MESP1: variants seen among roughly 807,000 people sequenced by gnomAD.
The protein encoded by MESP1 is mesoderm posterior bHLH transcription factor 1, also known as mesoderm posterior protein 1.
MESP1 carries 22 observed loss-of-function variants against 15.2 expected under a neutral mutation model. The ratio of observed to expected loss-of-function variants is 1.45; its 90% CI spans 1.04 to 2.07. MESP1 has a LOEUF of 2.07. Among genes scored for constraint, MESP1 ranks in the 30% most tolerant of loss-of-function variants. MESP1 has a pLI of 0.00. For synonymous variants in MESP1, 216 were observed against 192.6 expected, an observed-to-expected ratio of 1.12 and a Z score of -1.01; for missense variants, 484 against 411.9, an observed-to-expected ratio of 1.17 and a Z score of -1.51.
In MESP1 at chr15:89,750,150, G is replaced by C; in HGVS notation, c.801C>G (p.Pro267=). 1 of 1,613,796 alleles carries C rather than the reference G, an allele frequency of 6.2e-7. No homozygotes were observed. The highest frequency in any genetic ancestry group is 1.7e-5 in the Admixed American group (1 of 60,022). ...LSPLEWLPEE[P]K ...CGGCGTCAGTTGTCCCTTGTCACTT[G>C]GGCTCCTCAGGCAGCCACTCCAGAG... Residue 267 remains proline (P), a synonymous_variant, in exon 2 of 2, where the codon CCC becomes CCG. Transcript: ENST00000300057.
the MESP1 span, among the ~76,000 whole-genome samples, chr15:89,741,942 G>A: frequency 6.6e-6 from 1 of 152,112 alleles, no homozygotes; most frequent in African/African-American, 2.4e-5. Flanking sequence ...TAGTAGAGAC[G>A]GGGTTTCACC....
downstream of MESP1, among the ~76,000 whole-genome samples, chr15:89,747,609 G>GC (rs1008326401): frequency 6.6e-6 from 1 of 151,282 alleles, no homozygotes; most frequent in Non-Finnish European, 1.5e-5. Context: ...GAGGTGAGGC[G>GC]CCCCCCAGTA....
At chr15:89,737,874 G>A in the MESP1 span, 1 of 1,355,454 alleles carries the variant, frequency 7.4e-7, no homozygotes, top group East Asian at 2.3e-5. Flanking sequence ...AGTCCTCACA[G>A]GGCACTTAGA....
chr15:89,745,159 A>G (rs188622879), downstream of MESP1, among the ~76,000 whole-genome samples: 1 of 152,316 alleles, frequency 6.6e-6, no homozygotes, highest in East Asian at 1.9e-4. The surrounding 1 kb of genome is among the most constrained non-coding windows in gnomAD (Gnocchi z 4.8). Context: ...CAGGGAGCCC[A>G]GCCCACCCTC....
the MESP1 span, among the ~76,000 whole-genome samples, chr15:89,734,045 A>G: frequency 6.6e-6 from 1 of 151,662 alleles, no homozygotes; most frequent in Non-Finnish European, 1.5e-5. Flanking sequence ...GTGTGTGTGT[A>G]ATAAAGAATA....
the MESP1 span, chr15:89,743,272 C>G: frequency 6.2e-7 from 1 of 1,613,378 alleles, no homozygotes; most frequent in Non-Finnish European, 8.5e-7. Flanking sequence ...TTCCTCTCAT[C>G]ACAGTTGTGT....
chr15:89,732,615 C>CCACACACA, the MESP1 span, among the ~76,000 whole-genome samples: 925 of 148,552 alleles, frequency 6.2e-3, 6 homozygotes, highest in Middle Eastern at 0.034. Context: ...TGTTGTTTGG[C>CCACACACA]CACACACACA....
At chr15:89,736,629 A>T in the MESP1 span, among the ~76,000 whole-genome samples, 2 of 152,064 alleles carry the variant, frequency 1.3e-5, no homozygotes, top group Admixed American at 1.3e-4. Flanking sequence ...AAGTGAGAGC[A>T]GTGTCCTGTG....
At position 89,751,065 on chromosome 15, in the gene MESP1, G is replaced by GCGGGGCTCGCCA. The variant is rs1555437299; in HGVS notation, c.155_166dup (p.Val52_Pro55dup). 2.1e-5 allele frequency: 26 copies of GCGGGGCTCGCCA among 1,239,370 alleles called. No individual in the cohort carries two copies. Among genetic ancestry groups the GCGGGGCTCGCCA allele is most frequent in the Non-Finnish European group, 2.5e-5 (25 of 998,294 alleles). The allele number at this position is 1,239,370 out of a possible 1,614,324, so 76.8% of individuals were successfully genotyped here. On this transcript the variant is annotated inframe_insertion, in exon 1 of 2. Coordinates refer to ENST00000300057, the MANE Select transcript of MESP1 (RefSeq NM_018670.4). ...GGGGTCCCGGAGGGTGCCTGGCCGC[G>GCGGGGCTCGCCA]CGGGGCTCGCCACGGGGCTGTCGGC...
At chr15:89,747,005 A>G (rs191847931), downstream of MESP1, among the ~76,000 whole-genome samples, 515 of 130,410 alleles carry the variant, frequency 3.9e-3, 4 homozygotes, top group African/African-American at 0.014. Context: ...ACACACACAC[A>G]TATGCTCACG....
the MESP1 span, among the ~76,000 whole-genome samples, chr15:89,738,821 A>C: frequency 2.0e-5 from 3 of 151,178 alleles, no homozygotes; most frequent in African/African-American, 7.3e-5. Flanking sequence ...TTCCCTCTTA[A>C]AAGTATGTTT....
downstream of MESP1, among the ~76,000 whole-genome samples, chr15:89,745,559 C>T (rs990670859): frequency 2.6e-5 from 4 of 152,160 alleles, no homozygotes; most frequent in Admixed American, 1.3e-4. This position sits in a 1 kb window ranked among gnomAD's most constrained non-coding sequence, Gnocchi z 4.8. Flanking sequence ...GTCAGGAGAT[C>T]GAGACCATCC....
At chr15:89,736,386 G>A in the MESP1 span, among the ~76,000 whole-genome samples, 1 of 152,144 alleles carries the variant, frequency 6.6e-6, no homozygotes, top group African/African-American at 2.4e-5. Flanking sequence ...AGAGCCAAGG[G>A]CTGAAAATGT....
chr15:89,743,579 T>C, the MESP1 span: 2 of 599,734 alleles, frequency 3.3e-6, no homozygotes, highest in South Asian at 2.0e-5. Context: ...CTAAGCCTCT[T>C]GTCAGAGCCC....
chr15:89,750,410 C>T, intron 1 of MESP1, 99 bp downstream of exon 1: 2 of 1,454,926 alleles, frequency 1.4e-6, no homozygotes, highest in Non-Finnish European at 1.8e-6. Context: ...GGCCAGGCTG[C>T]CGGCGGGGAG....
the MESP1 span, chr15:89,743,302 C>T: frequency 6.2e-7 from 1 of 1,614,170 alleles, no homozygotes; most frequent in South Asian, 1.1e-5. Context: ...CTATCGGAAG[C>T]TGGAGAAGAA....
chr15:89,745,996 C>T (rs1415398176), downstream of MESP1, among the ~76,000 whole-genome samples: 3 of 149,918 alleles, frequency 2.0e-5, no homozygotes, highest in Non-Finnish European at 3.0e-5. The surrounding 1 kb of genome is among the most constrained non-coding windows in gnomAD (Gnocchi z 4.8). Flanking sequence ...TCCACGCATA[C>T]ACACCTCCAC....
At position 89,750,516 on chromosome 15, in the gene MESP1, G is replaced by C; in HGVS notation, c.716C>G (p.Pro239Arg). The stretch of plus-strand genomic sequence containing the variant: ...GGGGAAGGGGACACTAACCGGGGAC[G>C]GTGGGCTTGGCTCCATCGCCTGCCC... ...PEGQAMEPSP[P>R]SPLLPGDVLA... is the part of the protein sequence containing the mutation. The change falls in exon 1 of 2, where the codon CCG becomes CGG. Residue 239 changes from proline (P) to arginine (R), a missense_variant. Transcript: ENST00000300057. 6.7e-7 allele frequency: 1 copy of C among 1,501,064 alleles called. No homozygotes were observed. Among genetic ancestry groups the C allele is most frequent in the Non-Finnish European group, 8.8e-7 (1 of 1,133,256 alleles). The allele number at this position is 1,501,064 out of a possible 1,614,324, so 93.0% of individuals were successfully genotyped here.
the MESP1 span, chr15:89,737,598 C>G: frequency 6.2e-7 from 1 of 1,614,220 alleles, no homozygotes; most frequent in East Asian, 2.2e-5. Flanking sequence ...AAGAATGGCT[C>G]TGTGTGCCTT....
Sources: gnomAD v4.1 joint callset for allele counts (sites outside exome capture counted in the v4.1 genomes callset) on GRCh38, gnomAD v4.1.1 for gene constraint, Gnocchi (gnomAD v3.1) non-coding constraint, MANE v1.5 for transcripts, NCBI Gene and HGNC (gene_info 2026-07-23, HGNC 2026-07-21) for gene names.